Variants in DLGAP1 observed in about 807,000 individuals in gnomAD.
The protein encoded by DLGAP1 is DLG associated protein 1.
DLGAP1 carries 11 observed loss-of-function variants against 90.8 expected under a neutral mutation model. The observed-to-expected ratio is 0.12, with a 90% CI of 0.08 to 0.20. The LOEUF (loss-of-function observed/expected upper bound fraction) is 0.20, where lower values mean the gene tolerates loss of function less well. Ranked by LOEUF, DLGAP1 falls within the 10% of genes least tolerant of loss-of-function variation. DLGAP1 has a pLI of 1.00. For synonymous variants in DLGAP1, 558 were observed against 540.7 expected, an observed-to-expected ratio of 1.03 and a Z score of -0.44; for missense variants, 1,050 against 1,333.8, an observed-to-expected ratio of 0.79 and a Z score of 3.31.
At chr18:3,920,353 A>C (rs1469221323) in intron 3 of DLGAP1, among the ~76,000 whole-genome samples, 2 of 45,274 alleles carry the variant, frequency 4.4e-5, no homozygotes. Flanking sequence ...GACTCTGTCC[A>C]AAAAAAAAAA....
chr18:3,789,018 C>T (rs1009070960), intron 5 of DLGAP1, among the ~76,000 whole-genome samples: 11 of 152,164 alleles, frequency 7.2e-5, no homozygotes, highest in Admixed American at 1.3e-4. Context: ...TCGATTCATT[C>T]GCACAATTAA....
chr18:3,791,057 C>T (rs1057373854), intron 5 of DLGAP1, among the ~76,000 whole-genome samples: 8 of 152,106 alleles, frequency 5.3e-5, no homozygotes, highest in African/African-American at 1.9e-4. Context: ...TGCAGGTTCA[C>T]CTAGATGGTA....
intron 1 of DLGAP1, among the ~76,000 whole-genome samples, chr18:4,443,284 C>T (rs1158050702): frequency 3.9e-5 from 6 of 152,062 alleles, no homozygotes; most frequent in Admixed American, 1.3e-4. Context: ...TATTAGTGGC[C>T]ATGAATAAGC....
At chr18:3,751,577 G>C (rs1461883470) in intron 5 of DLGAP1, among the ~76,000 whole-genome samples, 1 of 88,578 alleles carries the variant, frequency 1.1e-5, no homozygotes, top group African/African-American at 4.4e-5. Context: ...TTTTTTTTTT[G>C]AGACGGAGTC....
intron 3 of DLGAP1, among the ~76,000 whole-genome samples, chr18:3,933,872 T>C (rs901341926): frequency 2.0e-5 from 3 of 152,194 alleles, no homozygotes; most frequent in African/African-American, 4.8e-5. Flanking sequence ...AAAATGATAG[T>C]GTTTAAAGAG....
intron 3 of DLGAP1, among the ~76,000 whole-genome samples, chr18:3,935,488 A>T (rs1406107376): frequency 6.6e-6 from 1 of 152,174 alleles, no homozygotes; most frequent in Non-Finnish European, 1.5e-5. Flanking sequence ...TAAGGCAAGT[A>T]TTTTGGGTGT....
chr18:4,039,521 A>C (rs2074944292), intron 2 of DLGAP1, among the ~76,000 whole-genome samples: 1 of 152,216 alleles, frequency 6.6e-6, no homozygotes, highest in Admixed American at 6.5e-5. Context: ...AGAAAATGTG[A>C]AGCAAAATAT....
chr18:3,563,466 G>GT (rs1227942054), intron 9 of DLGAP1, among the ~76,000 whole-genome samples: 10 of 41,466 alleles, frequency 2.4e-4, no homozygotes, highest in African/African-American at 7.9e-4. Context: ...GCTTTTTTTT[G>GT]TTTTTTTGGT....
intron 3 of DLGAP1, among the ~76,000 whole-genome samples, chr18:3,924,621 G>A (rs2072340840): frequency 6.6e-6 from 1 of 152,142 alleles, no homozygotes; most frequent in Admixed American, 6.5e-5. Context: ...CCCATAAGGT[G>A]CTACCCAGCC....
intron 5 of DLGAP1, among the ~76,000 whole-genome samples, chr18:3,772,635 A>C (rs960688530): frequency 4.6e-5 from 7 of 151,282 alleles, no homozygotes; most frequent in Non-Finnish European, 8.8e-5. Flanking sequence ...TTTATTAATA[A>C]TATTATTATA....
intron 3 of DLGAP1, among the ~76,000 whole-genome samples, chr18:3,980,237 G>T (rs997694685): frequency 8.5e-5 from 13 of 152,160 alleles, no homozygotes; most frequent in Admixed American, 2.6e-4. Flanking sequence ...GAGGCTGCAG[G>T]GGTCTGATCT....
intron 3 of DLGAP1, among the ~76,000 whole-genome samples, chr18:3,929,806 T>G (rs140197077): frequency 6.6e-6 from 1 of 152,324 alleles, no homozygotes; most frequent in African/African-American, 2.4e-5. Flanking sequence ...TCGTCTAAAT[T>G]TTTTCTCAAA....
intron 5 of DLGAP1, among the ~76,000 whole-genome samples, chr18:3,799,567 T>C (rs1240737156): frequency 6.6e-6 from 1 of 152,038 alleles, no homozygotes; most frequent in Non-Finnish European, 1.5e-5. Flanking sequence ...CATTTGAATT[T>C]TACATTGTTA....
intron 9 of DLGAP1, among the ~76,000 whole-genome samples, chr18:3,551,166 TATATATATATACACATACATATAA>T (rs57846031): frequency 0.92 from 136,333 of 148,894 alleles, 63,409 homozygotes; most frequent in East Asian, 1. Context: ...TACATATATA[TATATATATATACACATACATATAA>T]ATGCTTTTTT....
rs2076000837 is a variant in DLGAP1, at chr18:4,113,013, G to A, written c.-159+38167C>T. On this transcript the variant is annotated intron_variant, in intron 2 of 12. Transcript: ENST00000315677. Reference sequence around the variant, plus strand: ...CATTTCCTTTATCCAATCCATTGCTGATGGGCAACTAGGTTGAGTCCATGT... The same window carrying A: ...CATTTCCTTTATCCAATCCATTGCTAATGGGCAACTAGGTTGAGTCCATGT... Among the ~76,000 whole-genome samples the A allele has an allele frequency of 5.9e-5, 9 of 152,194 alleles. No individual in the cohort carries two copies. In the South Asian group the frequency reaches 1.9e-3, roughly 32 times the overall value.
chr18:4,066,602 T>G (rs1452881011), intron 2 of DLGAP1, among the ~76,000 whole-genome samples: 2 of 151,990 alleles, frequency 1.3e-5, no homozygotes, highest in Admixed American at 6.6e-5. Context: ...ATTAGAGAAA[T>G]GTGAATCAAA....
At chr18:3,528,412 G>A (rs926511428) in intron 10 of DLGAP1, among the ~76,000 whole-genome samples, 1 of 152,222 alleles carries the variant, frequency 6.6e-6, no homozygotes, top group Non-Finnish European at 1.5e-5. Flanking sequence ...TCTAGGCCCA[G>A]TTATCAGAAC....
chr18:4,328,742 G>A (rs2080881402), intron 1 of DLGAP1, among the ~76,000 whole-genome samples: 1 of 151,920 alleles, frequency 6.6e-6, no homozygotes, highest in Non-Finnish European at 1.5e-5. Context: ...ACCCCAGTGA[G>A]TGTGAAGTAG....
At chr18:3,545,333 G>T (rs2052951060) in intron 9 of DLGAP1, among the ~76,000 whole-genome samples, 2 of 151,766 alleles carry the variant, frequency 1.3e-5, no homozygotes, top group Admixed American at 1.3e-4. Flanking sequence ...CCCCAAAGAA[G>T]TATTTTTCAA....
Sources: gnomAD v4.1 joint callset for allele counts (sites outside exome capture counted in the v4.1 genomes callset) on GRCh38, gnomAD v4.1.1 for gene constraint, MANE v1.5 for transcripts, NCBI Gene and HGNC (gene_info 2026-07-23, HGNC 2026-07-21) for gene names.